Variants in CDH12 observed in about 807,000 individuals in gnomAD.
CDH12 encodes the protein cadherin 12.
A neutral mutation model predicts 74.1 loss-of-function variants in CDH12; 41 were observed. The observed-to-expected ratio is 0.55, with a 90% CI of 0.43 to 0.72. CDH12 has a LOEUF of 0.72. Among genes scored for constraint, CDH12 ranks in the 30% least tolerant of loss-of-function variants. The pLI, the probability that CDH12 is intolerant of heterozygous loss-of-function variation, is 0.00. For synonymous variants in CDH12, 399 were observed against 355.0 expected (o/e 1.12, Z -1.39); for missense variants, 945 against 977.2 (o/e 0.97, Z 0.44).
chr5:22,190,562 C>G (rs1750218629), intron 4 of CDH12, among the ~76,000 whole-genome samples: 1 of 152,180 alleles, frequency 6.6e-6, no homozygotes, highest in Non-Finnish European at 1.5e-5. Flanking sequence ...TGACCCCTCT[C>G]CCTTCTCTTG....
chr5:21,950,240 A>G (rs1032557315), intron 6 of CDH12, among the ~76,000 whole-genome samples: 28 of 152,174 alleles, frequency 1.8e-4, no homozygotes, highest in African/African-American at 6.5e-4. Context: ...TGCTATCTCT[A>G]TTTACACATA....
At chr5:21,840,939 A>G (rs1358466495) in intron 8 of CDH12, among the ~76,000 whole-genome samples, 1 of 152,036 alleles carries the variant, frequency 6.6e-6, no homozygotes, top group Non-Finnish European at 1.5e-5. Flanking sequence ...TTCAGGACAT[A>G]GGCATGGGTA....
chr5:21,890,186 A>G (rs926111960), intron 6 of CDH12, among the ~76,000 whole-genome samples: 4 of 152,120 alleles, frequency 2.6e-5, no homozygotes, highest in Non-Finnish European at 5.9e-5. Context: ...GATCTTAAAC[A>G]TCTACTGTAC....
chr5:22,068,425 A>G (rs896305236), intron 5 of CDH12, among the ~76,000 whole-genome samples: 8 of 152,202 alleles, frequency 5.3e-5, no homozygotes, highest in African/African-American at 1.7e-4. Flanking sequence ...TCTCTGGGAC[A>G]TTCCTGAAAG....
chr5:21,798,647 T>G (rs143683032), intron 10 of CDH12, among the ~76,000 whole-genome samples: 1,570 of 151,618 alleles, frequency 0.01, 18 homozygotes, highest in Non-Finnish European at 0.017. Flanking sequence ...ATAGGATTAG[T>G]GCCCTTCTAA....
At chr5:22,132,095 C>G (rs1456099371) in intron 4 of CDH12, among the ~76,000 whole-genome samples, 23 of 152,054 alleles carry the variant, frequency 1.5e-4, no homozygotes, top group Non-Finnish European at 3.4e-4. Context: ...TCACCTCCCT[C>G]TCTGTCTCTA....
chr5:22,018,157 T>A (rs112421688), intron 5 of CDH12, among the ~76,000 whole-genome samples: 1 of 152,146 alleles, frequency 6.6e-6, no homozygotes, highest in African/African-American at 2.4e-5. Flanking sequence ...GTTGATTAAA[T>A]TAGTTTGAAG....
Position 22,823,935 on chromosome 5 carries a change from A to G in CDH12, c.-523+29123T>C, listed in dbSNP as rs139882050. On this transcript the variant is annotated intron_variant, in intron 1 of 14. Coordinates refer to ENST00000382254, the MANE Select transcript of CDH12 (RefSeq NM_004061.5). ...TCAGGAAGTTCTTTATAGCAGTGTG[A>G]GAACAAATTAATACAAATACTAACT... 6.6e-3 allele frequency among the ~76,000 whole-genome samples: 998 copies of G among 152,288 alleles called. 15 individuals are homozygous for G. The highest frequency in any genetic ancestry group is 0.023 in the African/African-American group (941 of 41,568).
chr5:22,272,654 T>C (rs981207780), intron 3 of CDH12, among the ~76,000 whole-genome samples: 2 of 152,132 alleles, frequency 1.3e-5, no homozygotes, highest in East Asian at 3.9e-4. Context: ...GGGTTATTAA[T>C]TGGCCTCATT....
In CDH12 at chr5:22,491,763, G is replaced by C. The variant is rs1475664915; in HGVS notation, c.-428+13507C>G. Among the ~76,000 whole-genome samples the C allele has an allele frequency of 2.0e-5, 3 of 152,156 alleles. No homozygotes were observed. In the South Asian group the frequency reaches 6.2e-4, roughly 31 times the overall value. ...TTGGACAAGCTTGGCTTAAACAATA[G>C]ACAATTATTGTCTCACAATTTTAGA... On this transcript the variant is annotated intron_variant, in intron 2 of 14. Transcript: ENST00000382254.
intron 1 of CDH12, among the ~76,000 whole-genome samples, chr5:22,716,676 C>A (rs374379235): frequency 6.6e-6 from 1 of 151,014 alleles, no homozygotes; most frequent in East Asian, 1.9e-4. Context: ...CAGAAGGCAT[C>A]GTCATCATGG....
intron 1 of CDH12, among the ~76,000 whole-genome samples, chr5:22,791,899 A>G (rs1333202126): frequency 6.6e-6 from 1 of 152,146 alleles, no homozygotes; most frequent in Admixed American, 6.5e-5. Flanking sequence ...TGGGATTACA[A>G]TTCAAGATGA....
chr5:22,498,901 CTTTTTTT>C (rs34550762), intron 2 of CDH12, among the ~76,000 whole-genome samples: 7 of 73,434 alleles, frequency 9.5e-5, no homozygotes, highest in African/African-American at 3.2e-4. Context: ...TTTTCTGTTT[CTTTTTTT>C]TTTTTTTTTT....
At chr5:21,764,827 C>T (rs1744927268) in intron 12 of CDH12, 151 bp downstream of exon 12, 1 of 728,276 alleles carries the variant, frequency 1.4e-6, no homozygotes, top group African/African-American at 1.8e-5. Context: ...CATTAATTCA[C>T]AAGAGTTTAA....
intron 2 of CDH12, among the ~76,000 whole-genome samples, chr5:22,440,086 A>G (rs1012151149): frequency 1.4e-4 from 22 of 152,130 alleles, no homozygotes; most frequent in African/African-American, 5.3e-4. Flanking sequence ...TCAGTCAACT[A>G]TTTGCCCTTA....
At chr5:21,790,708 C>T (rs1306853950) in intron 10 of CDH12, among the ~76,000 whole-genome samples, 3 of 152,074 alleles carry the variant, frequency 2.0e-5, no homozygotes, top group Non-Finnish European at 2.9e-5. Flanking sequence ...TGTGTATCAG[C>T]GTGTGAGTGT....
intron 2 of CDH12, among the ~76,000 whole-genome samples, chr5:22,413,216 C>T (rs973265174): frequency 2.6e-5 from 4 of 151,840 alleles, no homozygotes; most frequent in African/African-American, 9.7e-5. Flanking sequence ...ACGATTTTTG[C>T]AGCTATGTGA....
chr5:22,302,038 G>A (rs1364871530), intron 3 of CDH12, among the ~76,000 whole-genome samples: 1 of 151,808 alleles, frequency 6.6e-6, no homozygotes, highest in Non-Finnish European at 1.5e-5. Flanking sequence ...GAGAGTGAGT[G>A]AGAGAGAGTC....
intron 5 of CDH12, among the ~76,000 whole-genome samples, chr5:22,024,227 T>C (rs1738189938): frequency 6.6e-6 from 1 of 152,180 alleles, no homozygotes; most frequent in Admixed American, 6.5e-5. Flanking sequence ...TATAATACAT[T>C]AAAGTGTTTG....
Sources: allele counts gnomAD v4.1 joint callset (sites outside exome capture counted in the v4.1 genomes callset), GRCh38; gene constraint gnomAD v4.1.1; transcripts MANE v1.5; gene names NCBI Gene and HGNC (gene_info 2026-07-23, HGNC 2026-07-21).